Variants in HLCS observed in about 807,000 individuals in gnomAD.
HLCS encodes holocarboxylase synthetase.
Under a neutral mutation model 75.0 loss-of-function variants are expected in HLCS, and 53 were observed. The ratio of observed to expected loss-of-function variants is 0.71; its 90% confidence interval spans 0.57 to 0.89. The LOEUF (loss-of-function observed/expected upper bound fraction) is 0.89, where lower values mean the gene tolerates loss of function less well. Among genes scored for constraint, HLCS ranks in the 40% least tolerant of loss-of-function variants. The pLI is 0.00. For synonymous variants in HLCS, 431 were observed against 428.6 expected, an observed-to-expected ratio of 1.01 and a Z score of -0.07; for missense variants, 966 against 1,074.0, an observed-to-expected ratio of 0.90 and a Z score of 1.41.
At chr21:36,771,752 A>G (rs1040032990) in intron 6 of HLCS, among the ~76,000 whole-genome samples, 2 of 152,130 alleles carry the variant, frequency 1.3e-5, no homozygotes, top group African/African-American at 4.8e-5. Flanking sequence ...TAATCCCAGC[A>G]CTTTGGGAGG....
intron 1 of HLCS, among the ~76,000 whole-genome samples, chr21:36,983,754 G>A (rs1176692664): frequency 2.6e-5 from 4 of 151,634 alleles, no homozygotes; most frequent in Admixed American, 6.6e-5. Context: ...GGAGAATGGC[G>A]TGAACCCGGG....
At chr21:36,836,592 GA>G (rs902070405) in intron 6 of HLCS, among the ~76,000 whole-genome samples, 6 of 150,734 alleles carry the variant, frequency 4.0e-5, no homozygotes, top group Non-Finnish European at 8.8e-5. Context: ...CAAAATGGGA[GA>G]AAATTTTCGC....
At chr21:36,800,336 A>T (rs996138090) in intron 6 of HLCS, among the ~76,000 whole-genome samples, 6 of 152,174 alleles carry the variant, frequency 3.9e-5, no homozygotes, top group African/African-American at 1.4e-4. Flanking sequence ...CTACTTGGTG[A>T]ACAAAGAGAC....
chr21:36,858,063 C>G (rs148831861), intron 6 of HLCS, among the ~76,000 whole-genome samples: 31 of 152,282 alleles, frequency 2.0e-4, no homozygotes, highest in African/African-American at 6.7e-4. Context: ...GCTGGGATTA[C>G]AGGTGTGAGC....
chr21:36,791,908 T>C lies in HLCS; in HGVS notation c.1893-24623A>G, dbSNP rs531928960. Among the ~76,000 whole-genome samples, 7 of 152,228 alleles carry C rather than the reference T, an allele frequency of 4.6e-5. No homozygotes were observed. The East Asian group carries it at 1.4e-3, about 29-fold the overall frequency. On this transcript the variant is annotated intron_variant, in intron 6 of 10. Transcript: ENST00000674895. ...CAACCAAGTTAGAATGGGGTTATCT[T>C]CTTACCACTTTCACAAAGAAAGGGC...
chr21:36,844,896 TG>T (rs1430277515), intron 6 of HLCS, among the ~76,000 whole-genome samples: 1 of 152,184 alleles, frequency 6.6e-6, no homozygotes, highest in Non-Finnish European at 1.5e-5. Flanking sequence ...GTGAAACAGA[TG>T]TTGGAGACCT....
At chr21:36,833,446 G>A (rs527449665) in intron 6 of HLCS, among the ~76,000 whole-genome samples, 2 of 151,742 alleles carry the variant, frequency 1.3e-5, no homozygotes, top group Non-Finnish European at 2.9e-5. Context: ...TAAGCCAGAT[G>A]TAGTGGCATG....
intron 6 of HLCS, among the ~76,000 whole-genome samples, chr21:36,867,433 T>C (rs1038860437): frequency 2.0e-5 from 3 of 152,190 alleles, no homozygotes; most frequent in Non-Finnish European, 4.4e-5. Flanking sequence ...CAAATCTACT[T>C]TCCCCTTCTT....
intron 6 of HLCS, among the ~76,000 whole-genome samples, chr21:36,829,831 G>C (rs937834681): frequency 6.6e-6 from 1 of 152,172 alleles, no homozygotes; most frequent in Non-Finnish European, 1.5e-5. Context: ...GGGAAGGAGG[G>C]GCAGGCACGC....
intron 3 of HLCS, among the ~76,000 whole-genome samples, chr21:36,937,840 G>A (rs1368453967): frequency 6.6e-6 from 1 of 152,194 alleles, no homozygotes; most frequent in Admixed American, 6.5e-5. Flanking sequence ...GGATCAATGG[G>A]AGAAGATTCT....
chr21:36,899,757 A>G (rs1444021103), intron 5 of HLCS, among the ~76,000 whole-genome samples: 1 of 152,220 alleles, frequency 6.6e-6, no homozygotes, highest in Non-Finnish European at 1.5e-5. Context: ...GCAATGATCA[A>G]AGGGGTCAAA....
At chr21:36,794,710 G>C (rs571704318) in intron 6 of HLCS, among the ~76,000 whole-genome samples, 86 of 152,272 alleles carry the variant, frequency 5.6e-4, no homozygotes, top group African/African-American at 2.0e-3. Context: ...TCACCTGGCT[G>C]CCACATGGAA....
chr21:36,869,697 C>A (rs2063705411), intron 6 of HLCS, among the ~76,000 whole-genome samples: 1 of 152,264 alleles, frequency 6.6e-6, no homozygotes, highest in South Asian at 2.1e-4. Context: ...AAATTATCCA[C>A]CCTAAAATAA....
intron 6 of HLCS, among the ~76,000 whole-genome samples, chr21:36,795,141 T>C (rs1373606398): frequency 1.3e-5 from 2 of 152,156 alleles, no homozygotes; most frequent in African/African-American, 4.8e-5. Context: ...CCTGACTTTG[T>C]TCTCTGGCAA....
chr21:36,784,666 T>C (rs36038593), intron 6 of HLCS, among the ~76,000 whole-genome samples: 24,196 of 152,088 alleles, frequency 0.16, 2,084 homozygotes, highest in South Asian at 0.27. Context: ...CTGGAGGCTA[T>C]AAGGCTTTCT....
chr21:36,849,619 G>A (rs997775599), intron 6 of HLCS, among the ~76,000 whole-genome samples: 5 of 152,188 alleles, frequency 3.3e-5, no homozygotes, highest in African/African-American at 1.2e-4. Context: ...GGGTGGTCAG[G>A]GCACAGCCAA....
At chr21:36,938,575 C>T (rs2066998525) in intron 3 of HLCS, among the ~76,000 whole-genome samples, 1 of 152,220 alleles carries the variant, frequency 6.6e-6, no homozygotes. Context: ...TCATGGCTCA[C>T]TGTGGCCTCA....
chr21:36,789,553 T>C (rs948049465), intron 6 of HLCS, among the ~76,000 whole-genome samples: 56 of 152,226 alleles, frequency 3.7e-4, no homozygotes, highest in African/African-American at 1.2e-3. Context: ...AAATTCTAAA[T>C]TAGTGAAGAC....
chr21:36,817,472 T>A (rs1215661671), intron 6 of HLCS, among the ~76,000 whole-genome samples: 2 of 152,190 alleles, frequency 1.3e-5, no homozygotes, highest in Non-Finnish European at 2.9e-5. Flanking sequence ...AAACATTTTC[T>A]TCTAAGATGT....
Sources: allele counts gnomAD v4.1 joint callset (sites outside exome capture counted in the v4.1 genomes callset), GRCh38; gene constraint gnomAD v4.1.1; transcripts MANE v1.5; gene names NCBI Gene and HGNC (gene_info 2026-07-23, HGNC 2026-07-21).